ZFAT: variants seen among roughly 807,000 people sequenced by gnomAD.
ZFAT encodes the protein zinc finger protein ZFAT.
A neutral mutation model predicts 117.7 loss-of-function variants in ZFAT; 64 were observed. That is an observed-to-expected ratio of 0.54 (90% CI 0.44 to 0.67). ZFAT has a LOEUF of 0.67. ZFAT is among the 30% of genes least tolerant of loss of function. ZFAT has a pLI of 0.00. For synonymous variants in ZFAT, 679 were observed against 615.0 expected, an observed-to-expected ratio of 1.10 and a Z score of -1.54; for missense variants, 1,433 against 1,584.5, an observed-to-expected ratio of 0.90 and a Z score of 1.62.
At chr8:134,697,131 C>A (rs985820114) in intron 1 of ZFAT, among the ~76,000 whole-genome samples, 5 of 148,620 alleles carry the variant, frequency 3.4e-5, no homozygotes, top group Admixed American at 6.7e-5. Context: ...GATGGAGTCT[C>A]ACTCCGTTGG....
intron 15 of ZFAT, among the ~76,000 whole-genome samples, chr8:134,509,065 T>C (rs1163123846): frequency 6.6e-6 from 1 of 152,152 alleles, no homozygotes; most frequent in Non-Finnish European, 1.5e-5. Flanking sequence ...TGGTGAAGTC[T>C]CCACTGAGGG....
chr8:134,608,682 C>A, intron 5 of ZFAT, 47 bp downstream of exon 5: 1 of 1,592,572 alleles, frequency 6.3e-7, no homozygotes. Flanking sequence ...GTGGAGTTCA[C>A]TCACATGCAA....
At chr8:134,719,683 G>A in the ZFAT span, among the ~76,000 whole-genome samples, 1 of 152,138 alleles carries the variant, frequency 6.6e-6, no homozygotes, top group African/African-American at 2.4e-5. Flanking sequence ...CAGTAACAGA[G>A]GCAGAAAAAA....
At chr8:134,817,158 C>T in the ZFAT span, among the ~76,000 whole-genome samples, 1 of 152,082 alleles carries the variant, frequency 6.6e-6, no homozygotes, top group Non-Finnish European at 1.5e-5. Flanking sequence ...CGATAACAAT[C>T]AGTTGACATT....
At chr8:134,489,953 C>T (rs10099648) in intron 15 of ZFAT, among the ~76,000 whole-genome samples, 26,582 of 152,122 alleles carry the variant, frequency 0.17, 2,458 homozygotes, top group Admixed American at 0.26. Flanking sequence ...AGGCATCAGC[C>T]CAGATTCTGC....
chr8:134,594,633 G>A (rs1462178030), intron 7 of ZFAT, among the ~76,000 whole-genome samples: 1 of 152,186 alleles, frequency 6.6e-6, no homozygotes, highest in Non-Finnish European at 1.5e-5. Flanking sequence ...AGGAGGATTA[G>A]AAGGATGAAT....
intron 2 of ZFAT, among the ~76,000 whole-genome samples, chr8:134,649,569 A>G (rs905772188): frequency 6.6e-6 from 1 of 152,386 alleles, no homozygotes; most frequent in East Asian, 1.9e-4. Flanking sequence ...AGCAATGAGC[A>G]ATCTGAAAAT....
intron 3 of ZFAT, among the ~76,000 whole-genome samples, chr8:134,612,097 TTC>T (rs1462952067): frequency 1.3e-5 from 2 of 152,236 alleles, no homozygotes; most frequent in African/African-American, 2.4e-5. Flanking sequence ...AAAAGGAGTT[TTC>T]TCTTTCTTAG....
intron 10 of ZFAT, among the ~76,000 whole-genome samples, chr8:134,574,167 A>G (rs1288425581): frequency 6.6e-6 from 1 of 152,224 alleles, no homozygotes; most frequent in Non-Finnish European, 1.5e-5. Flanking sequence ...TGGGGGAGCC[A>G]GCAGGGTACC....
chr8:134,691,638 T>A (rs1833593266), intron 1 of ZFAT, among the ~76,000 whole-genome samples: 1 of 152,188 alleles, frequency 6.6e-6, no homozygotes, highest in African/African-American at 2.4e-5. Flanking sequence ...TCAGAGAGAC[T>A]TTTCGTAAAT....
chr8:134,576,142 C>A (rs1475310903), intron 10 of ZFAT, among the ~76,000 whole-genome samples: 3 of 152,176 alleles, frequency 2.0e-5, no homozygotes, highest in Non-Finnish European at 2.9e-5. Flanking sequence ...AGACCCTCTA[C>A]CTGGTGAGGT....
In ZFAT at chr8:134,506,958, T is replaced by C. The variant is rs116829698; in HGVS notation, c.3492+2661A>G. 2.2e-3 allele frequency among the ~76,000 whole-genome samples: 330 copies of C among 152,344 alleles called. 1 individual carries two copies. Among genetic ancestry groups the C allele is most frequent in the African/African-American group, 7.6e-3 (314 of 41,582 alleles). ...TCTCCGGCAATACTGATTTGTAGGA[T>C]ACAATTGAAGAATCAAAACCTCCAA... On this transcript the variant is annotated intron_variant, in intron 15 of 15. Transcript: ENST00000377838.
chr8:134,797,217 TAA>T, the ZFAT span: 1 of 152,102 alleles, frequency 6.6e-6, no homozygotes, highest in African/African-American at 2.4e-5. Context: ...TTTGTTATAT[TAA>T]GTATAAATAA....
the ZFAT span, among the ~76,000 whole-genome samples, chr8:134,751,199 C>T: frequency 1.3e-5 from 2 of 152,172 alleles, no homozygotes; most frequent in African/African-American, 2.4e-5. Flanking sequence ...AAACTTCTCT[C>T]CCACTCTAAG....
At chr8:134,632,578 A>G (rs1829958297) in intron 3 of ZFAT, among the ~76,000 whole-genome samples, 1 of 152,134 alleles carries the variant, frequency 6.6e-6, no homozygotes, top group Admixed American at 6.5e-5. Context: ...GAGAAACAGA[A>G]GCATTTTTTT....
At chr8:134,790,461 T>C in the ZFAT span, among the ~76,000 whole-genome samples, 31 of 152,156 alleles carry the variant, frequency 2.0e-4, no homozygotes, top group Non-Finnish European at 1.6e-4. Context: ...CATTATAACG[T>C]AGCCGTTAGG....
At chr8:134,808,620 C>T in the ZFAT span, among the ~76,000 whole-genome samples, 14 of 152,240 alleles carry the variant, frequency 9.2e-5, no homozygotes, top group African/African-American at 3.1e-4. Flanking sequence ...CTGAAGACAC[C>T]TGAAAACAAC....
chr8:134,805,827 A>G, the ZFAT span, among the ~76,000 whole-genome samples: 11 of 152,050 alleles, frequency 7.2e-5, no homozygotes, highest in South Asian at 2.3e-3. Context: ...AAAAACATAC[A>G]ACATATTAGC....
At chr8:134,771,357 A>T in the ZFAT span, among the ~76,000 whole-genome samples, 2 of 152,212 alleles carry the variant, frequency 1.3e-5, no homozygotes, top group Non-Finnish European at 2.9e-5. Flanking sequence ...ACAGCACCCA[A>T]GTCACCTCTT....
Sources: allele counts gnomAD v4.1 joint callset (sites outside exome capture counted in the v4.1 genomes callset), GRCh38; gene constraint gnomAD v4.1.1; transcripts MANE v1.5; gene names NCBI Gene and HGNC (gene_info 2026-07-23, HGNC 2026-07-21).